SLC5A4: variants seen among roughly 807,000 people sequenced by gnomAD.
SLC5A4 encodes solute carrier family 5 member 4, also known as probable glucose sensor protein SLC5A4.
In SLC5A4, 55 loss-of-function variants were observed where a neutral mutation model predicts 70.3. That is an observed-to-expected ratio of 0.78 (90% confidence interval 0.63 to 0.98). The LOEUF is 0.98. Ranked by LOEUF, SLC5A4 falls within the 50% of genes least tolerant of loss-of-function variation. The pLI, the probability that SLC5A4 is intolerant of heterozygous loss-of-function variation, is 0.00. For missense variants in SLC5A4, 735 were observed against 839.2 expected (o/e 0.88, Z 1.53); for synonymous variants, 268 against 305.7 (o/e 0.88, Z 1.29).
the SLC5A4 span, among the ~76,000 whole-genome samples, chr22:32,352,280 AGG>A: frequency 5.6e-5 from 3 of 53,878 alleles, no homozygotes; most frequent in South Asian, 2.0e-3. Flanking sequence ...GGATGGGGGG[AGG>A]GGGGAGGGAT....
the SLC5A4 span, among the ~76,000 whole-genome samples, chr22:32,301,270 G>A: frequency 6.6e-6 from 1 of 152,082 alleles, no homozygotes; most frequent in Non-Finnish European, 1.5e-5. Context: ...CACATATTCA[G>A]TTTCTAAAGA....
chr22:32,338,467 C>G, the SLC5A4 span, among the ~76,000 whole-genome samples: 1 of 152,130 alleles, frequency 6.6e-6, no homozygotes, highest in Non-Finnish European at 1.5e-5. Flanking sequence ...CTGGCTGACA[C>G]AGTGAACCTC....
At chr22:32,334,038 C>T in the SLC5A4 span, among the ~76,000 whole-genome samples, 1 of 148,662 alleles carries the variant, frequency 6.7e-6, no homozygotes, top group African/African-American at 2.5e-5. Context: ...TGCACACACA[C>T]ACACCATGCC....
the SLC5A4 span, among the ~76,000 whole-genome samples, chr22:32,343,921 G>T: frequency 6.6e-6 from 1 of 152,176 alleles, no homozygotes; most frequent in Non-Finnish European, 1.5e-5. Context: ...TAATAAGTAA[G>T]TCTTTAGTGT....
At chr22:32,221,939 A>G (rs2123863334) in intron 13 of SLC5A4, among the ~76,000 whole-genome samples, 1 of 152,258 alleles carries the variant, frequency 6.6e-6, no homozygotes, top group East Asian at 1.9e-4. Flanking sequence ...TTTTGAGTAG[A>G]GACAGGGTTT....
the SLC5A4 span, among the ~76,000 whole-genome samples, chr22:32,345,843 A>G: frequency 6.6e-6 from 1 of 152,262 alleles, no homozygotes; most frequent in East Asian, 1.9e-4. Flanking sequence ...TTATGCGACC[A>G]GCATGTTACT....
chr22:32,327,687 C>A, the SLC5A4 span, among the ~76,000 whole-genome samples: 2 of 152,186 alleles, frequency 1.3e-5, no homozygotes, highest in Non-Finnish European at 2.9e-5. Context: ...GCTGGACTCA[C>A]CTTCCCATCC....
the SLC5A4 span, among the ~76,000 whole-genome samples, chr22:32,345,952 G>A: frequency 1.3e-5 from 2 of 152,076 alleles, no homozygotes; most frequent in African/African-American, 2.4e-5. Flanking sequence ...TTTTCTCCAA[G>A]AAAAGGCTAA....
At chr22:32,284,491 T>C in the SLC5A4 span, among the ~76,000 whole-genome samples, 2 of 152,292 alleles carry the variant, frequency 1.3e-5, no homozygotes, top group African/African-American at 4.8e-5. Flanking sequence ...GGGTTGATGC[T>C]GGCTGCAAGC....
At chr22:32,350,289 C>A in the SLC5A4 span, among the ~76,000 whole-genome samples, 1 of 152,090 alleles carries the variant, frequency 6.6e-6, no homozygotes, top group Non-Finnish European at 1.5e-5. Flanking sequence ...GGAAGTGCCA[C>A]GCAGTTTAAA....
chr22:32,328,059 G>T, the SLC5A4 span, among the ~76,000 whole-genome samples: 2 of 150,866 alleles, frequency 1.3e-5, no homozygotes, highest in Admixed American at 6.6e-5. Flanking sequence ...GACCTTGGAC[G>T]ACGTCCCCAA....
chr22:32,239,919 G>C (rs1215000960), intron 5 of SLC5A4, among the ~76,000 whole-genome samples: 1 of 149,616 alleles, frequency 6.7e-6, no homozygotes, highest in Non-Finnish European at 1.5e-5. Context: ...AGCTACTCGG[G>C]AGGCTGAGGC....
chr22:32,309,174 A>G, the SLC5A4 span, among the ~76,000 whole-genome samples: 96,870 of 151,964 alleles, frequency 0.64, 31,016 homozygotes, highest in East Asian at 0.7. Flanking sequence ...GCGAGCCAGC[A>G]GGCACTACCA....
chr22:32,236,078 T>C (rs554427459), intron 7 of SLC5A4, among the ~76,000 whole-genome samples: 225 of 152,284 alleles, frequency 1.5e-3, no homozygotes, highest in Non-Finnish European at 2.7e-3. Context: ...AGTGCATCAC[T>C]GAGGCCAGAA....
chr22:32,268,029 C>T, the SLC5A4 span, among the ~76,000 whole-genome samples: 2 of 152,098 alleles, frequency 1.3e-5, no homozygotes, highest in Non-Finnish European at 2.9e-5. Context: ...GAAGCTGAGG[C>T]AGGAGAATGG....
chr22:32,342,523 T>A, the SLC5A4 span, among the ~76,000 whole-genome samples: 2 of 152,142 alleles, frequency 1.3e-5, no homozygotes, highest in African/African-American at 4.8e-5. Context: ...AAGTTAATAA[T>A]CTTAATAAAT....
chr22:32,241,328 A>C (rs912559626), intron 5 of SLC5A4, among the ~76,000 whole-genome samples: 1 of 152,236 alleles, frequency 6.6e-6, no homozygotes, highest in Non-Finnish European at 1.5e-5. Context: ...CTCAAAACTA[A>C]CAGCCAAAGC....
chr22:32,224,227 C>T (rs1409327019), intron 13 of SLC5A4, 40 bp downstream of exon 13: 9 of 1,515,190 alleles, frequency 5.9e-6, no homozygotes, highest in Admixed American at 5.1e-5. Context: ...GCCAAGAACT[C>T]TTATTTAAAA....
chr22:32,268,165 A>G, the SLC5A4 span: 1 of 152,160 alleles, frequency 6.6e-6, no homozygotes, highest in Non-Finnish European at 1.5e-5. Context: ...GTGTTTCATT[A>G]TGTTTCACTA....
Sources: gnomAD v4.1 joint callset for allele counts (sites outside exome capture counted in the v4.1 genomes callset) on GRCh38, gnomAD v4.1.1 for gene constraint, MANE v1.5 for transcripts, NCBI Gene and HGNC (gene_info 2026-07-23, HGNC 2026-07-21) for gene names.